Variants in ASB2 observed in about 807,000 individuals in gnomAD.
The protein encoded by ASB2 is ankyrin repeat and SOCS box protein 2.
ASB2 carries 58 observed loss-of-function variants against 62.4 expected under a neutral mutation model. The observed-to-expected ratio is 0.93, with a 90% CI of 0.75 to 1.16. ASB2 has a LOEUF of 1.16. Among genes scored for constraint, ASB2 ranks in the 50% most tolerant of loss-of-function variants. ASB2 has a pLI of 0.00. For synonymous variants in ASB2, 386 were observed against 385.3 expected, an observed-to-expected ratio of 1.00 and a Z score of -0.02; for missense variants, 928 against 887.9, an observed-to-expected ratio of 1.05 and a Z score of -0.57.
chr14:93,957,388 G>C, intron 2 of ASB2: 1 of 1,016,912 alleles, frequency 9.8e-7, no homozygotes, highest in Non-Finnish European at 1.2e-6. Flanking sequence ...AGGGGATCTT[G>C]TCCCAGGGGT....
rs1340934157 is a variant in ASB2, at chr14:93,960,984, T to TAAATAAATAAATAAAC, written c.206+3349_206+3350insGTTTATTTATTTATTT. Among the ~76,000 whole-genome samples the TAAATAAATAAATAAAC allele has an allele frequency of 3.1e-4, 47 of 150,862 alleles. 1 individual carries two copies. Among genetic ancestry groups the TAAATAAATAAATAAAC allele is most frequent in the South Asian group, 8.3e-4 (4 of 4,812 alleles). On this transcript the variant is annotated intron_variant, in intron 2 of 9. Transcript: ENST00000555019. ...ATAAATAAATAAATAAATAAATAAA[T>TAAATAAATAAATAAAC]AAACAGTATCAGCTCAGCTCTCTGT...
At chr14:93,964,692 T>C (rs1889529784) in intron 1 of ASB2, 80 bp from the exon 2 acceptor site, 1 of 677,614 alleles carries the variant, frequency 1.5e-6, no homozygotes, top group African/African-American at 1.8e-5. Context: ...GGGTATGCAT[T>C]TCACTGACAG....
chr14:93,935,472 C>G (rs1461544259), intron 9 of ASB2, among the ~76,000 whole-genome samples: 1 of 152,164 alleles, frequency 6.6e-6, no homozygotes, highest in Admixed American at 6.5e-5. Context: ...CTGAGCCCCT[C>G]TGTTGCACCT....
At chr14:93,954,650 T>C (rs7140333) in intron 3 of ASB2, among the ~76,000 whole-genome samples, 167 bp from the exon 4 acceptor site, 48,488 of 152,170 alleles carry the variant, frequency 0.32, 9,960 homozygotes, top group African/African-American at 0.59. Flanking sequence ...GACTGGGGGA[T>C]CCCTCCATCT....
chr14:93,945,522 C>A (rs1249353079), intron 7 of ASB2, among the ~76,000 whole-genome samples: 14 of 152,194 alleles, frequency 9.2e-5, no homozygotes, highest in Admixed American at 9.2e-4. Flanking sequence ...CTCCGACAAC[C>A]CCATGAGGCG....
Position 93,939,261 on chromosome 14 carries a change from G to A in ASB2, c.1464C>T (p.Cys488=), listed in dbSNP as rs1211528293. 1.2e-6 allele frequency: 2 copies of A among 1,609,760 alleles called. No homozygotes were observed. Among genetic ancestry groups the A allele is most frequent in the Non-Finnish European group, 1.7e-6 (2 of 1,177,014 alleles). ...FPATIMFAMK[C]LSLLKFLMDL... is the part of the protein sequence containing the mutation. The stretch of plus-strand genomic sequence containing the variant: ...CCATGAGGAACTTGAGCAGCGACAG[G>A]CACTTCATGGCGAACATGATGGTGG... The change falls in exon 8 of 10, where the codon TGC becomes TGT. Residue 488 remains cysteine (C), a synonymous_variant. Coordinates refer to ENST00000555019, the MANE Select transcript of ASB2 (RefSeq NM_001202429.2).
chr14:93,956,915 A>C, intron 2 of ASB2, 45 bp from the exon 3 acceptor site: 1 of 1,611,566 alleles, frequency 6.2e-7, no homozygotes, highest in South Asian at 1.1e-5. Context: ...AGTACTCTGC[A>C]TAGGAGAAGC....
At chr14:93,964,111 G>A (rs541214790) in intron 2 of ASB2, among the ~76,000 whole-genome samples, 2 of 152,302 alleles carry the variant, frequency 1.3e-5, no homozygotes, top group East Asian at 3.9e-4. Flanking sequence ...CCCACTGAGA[G>A]GGTCCTTAAG....
intron 1 of ASB2, among the ~76,000 whole-genome samples, chr14:93,966,376 AT>A (rs1383311367): frequency 5.3e-5 from 8 of 152,250 alleles, no homozygotes; most frequent in African/African-American, 1.9e-4. Context: ...CCAAAGAGTT[AT>A]AACAGAAAAT....
chr14:93,957,690 T>G (rs2402378), intron 2 of ASB2, among the ~76,000 whole-genome samples: 89,524 of 152,000 alleles, frequency 0.59, 27,096 homozygotes, highest in East Asian at 0.97. Flanking sequence ...ACTCTTCATT[T>G]TATCATCATT....
At position 93,951,853 on chromosome 14, in the gene ASB2, C is replaced by T. The variant is rs570993340; in HGVS notation, c.635-609G>A. On this transcript the variant is annotated intron_variant, in intron 5 of 9. Transcript: ENST00000555019. The stretch of plus-strand genomic sequence containing the variant: ...CTAATTTAGTTCAGGGTAAAATGCA[C>T]GTTGTGAGTACAGCTCCTCAAGTCT... Among the ~76,000 whole-genome samples the T allele has an allele frequency of 1.3e-3, 199 of 152,366 alleles. 1 individual carries two copies. Among genetic ancestry groups the T allele is most frequent in the African/African-American group, 4.5e-3 (187 of 41,590 alleles).
In ASB2 at chr14:93,951,072, G is replaced by A; in HGVS notation, c.807C>T (p.Ala269=). The part of the protein sequence containing the change: ...SGGAKVESKN[A]YGITPLFVAA... ...CCACGAACAAGGGGGTGATGCCGTA[G>A]GCGTTCTTGGATTCCACCTTGGCTC... is the stretch of plus-strand genomic sequence containing the variant. Residue 269 remains alanine (A), a synonymous_variant, in exon 6 of 10, where the codon GCC becomes GCT. Coordinates refer to ENST00000555019, the MANE Select transcript of ASB2 (RefSeq NM_001202429.2). The A allele has an allele frequency of 6.2e-7, 1 of 1,614,196 alleles. No individual in the cohort carries two copies. Among genetic ancestry groups the A allele is most frequent in the Non-Finnish European group, 8.5e-7 (1 of 1,180,048 alleles).
rs745904365 is a variant in ASB2, at chr14:93,956,843, C to T, written c.234G>A (p.Pro78=). The T allele has an allele frequency of 2.2e-5, 35 of 1,614,168 alleles. 1 individual carries two copies. Among genetic ancestry groups the T allele is most frequent in the Admixed American group, 1.0e-4 (6 of 60,026 alleles). ...TRSTAPPESS[P]ARAPMGLFQG... Reference sequence around the variant, plus strand: ...GGAACAAGCCCATTGGGGCCCGGGCCGGCGAACTCTCAGGAGGTGCAGTGG... The same window carrying T: ...GGAACAAGCCCATTGGGGCCCGGGCTGGCGAACTCTCAGGAGGTGCAGTGG... Residue 78 remains proline, a synonymous_variant, in exon 3 of 10, where the codon CCG becomes CCA. Coordinates refer to ENST00000555019, the MANE Select transcript of ASB2 (RefSeq NM_001202429.2).
At position 93,951,122 on chromosome 14, in the gene ASB2, C is replaced by T. The variant is rs1197329517; in HGVS notation, c.757G>A (p.Val253Ile). 6.2e-7 allele frequency: 1 copy of T among 1,614,104 alleles called. No individual in the cohort carries two copies. The highest frequency in any genetic ancestry group is 8.5e-7 in the Non-Finnish European group (1 of 1,180,054). Residue 253 changes from valine to isoleucine, a missense_variant, in exon 6 of 10, where the codon GTC becomes ATC. By Grantham distance (29) the Val-to-Ile change is conservative (BLOSUM62 3). Coordinates refer to ENST00000555019, the MANE Select transcript of ASB2 (RefSeq NM_001202429.2). ...CCTCCGCTCACCAGGATCTGCATGA[C>T]CTCCAGGTCATTGCGAGACACAGAC... Reference protein sequence around the residue: ...HESVSRNDLEVMQILVSGGAK... With the variant: ...HESVSRNDLEIMQILVSGGAK...
chr14:93,939,266 T>C lies in ASB2; in HGVS notation c.1459A>G (p.Lys487Glu). ...AFPATIMFAM[K>E]CLSLLKFLMD... ...AGGAACTTGAGCAGCGACAGGCACT[T>C]CATGGCGAACATGATGGTGGCGGGG... The change falls in exon 8 of 10, where the codon AAG (lysine) becomes GAG (glutamate). Residue 487 changes from lysine (K) to glutamate (E), a missense_variant. Transcript: ENST00000555019. 2 of 1,609,904 alleles carry C rather than the reference T, an allele frequency of 1.2e-6. No individual in the cohort carries two copies. Among genetic ancestry groups the C allele is most frequent in the Non-Finnish European group, 1.7e-6 (2 of 1,177,176 alleles).
Position 93,939,295 on chromosome 14 carries a change from G to A in ASB2, c.1430C>T (p.Ala477Val). ...IDAYIATHPT[A>V]FPATIMFAMK... ...GGCGAACATGATGGTGGCGGGGAAG[G>A]CGGTGGGGTGCGTGGCGATATAGGC... The change falls in exon 8 of 10, where the codon GCC becomes GTC. Residue 477 changes from alanine (A) to valine (V), a missense_variant. Ala to Val is a moderately conservative substitution (Grantham distance 64). Coordinates refer to ENST00000555019, the MANE Select transcript of ASB2 (RefSeq NM_001202429.2). 1 of 1,609,338 alleles carries A rather than the reference G, an allele frequency of 6.2e-7. No individual in the cohort carries two copies. Among genetic ancestry groups the A allele is most frequent in the South Asian group, 1.1e-5 (1 of 90,940 alleles).
chr14:93,935,148 G>A (rs1198763357), intron 9 of ASB2, among the ~76,000 whole-genome samples: 1 of 152,134 alleles, frequency 6.6e-6, no homozygotes, highest in Non-Finnish European at 1.5e-5. Flanking sequence ...CACACAGCCT[G>A]GGCCCCCAAA....
chr14:93,934,749 T>A lies in ASB2; in HGVS notation c.1815A>T (p.Arg605=). 6.2e-7 allele frequency: 1 copy of A among 1,613,780 alleles called. No homozygotes were observed. The highest frequency in any genetic ancestry group is 1.1e-5 in the South Asian group (1 of 91,066). ...TTATACGGTATTTCCCAATGGCCTTTCGAACCCGCAGTCGGCAAAGGTGAG... is the reference window on the plus strand; with the variant it reads ...TTATACGGTATTTCCCAATGGCCTTACGAACCCGCAGTCGGCAAAGGTGAG... ...PLAHLCRLRV[R]KAIGKYRIKL... is the part of the protein sequence containing the mutation. Residue 605 remains arginine (R), a synonymous_variant, in exon 10 of 10, where the codon CGA becomes CGT. Transcript: ENST00000555019.
intron 1 of ASB2, among the ~76,000 whole-genome samples, chr14:93,965,304 C>A (rs1157913619): frequency 6.6e-6 from 1 of 152,230 alleles, no homozygotes; most frequent in Non-Finnish European, 1.5e-5. Flanking sequence ...GACAAAAATC[C>A]TTGCCCTCAT....
Sources: gnomAD v4.1 joint callset for allele counts (sites outside exome capture counted in the v4.1 genomes callset) on GRCh38, gnomAD v4.1.1 for gene constraint, MANE v1.5 for transcripts, NCBI Gene and HGNC (gene_info 2026-07-23, HGNC 2026-07-21) for gene names.